BTD: variants seen among roughly 807,000 people sequenced by gnomAD.
The protein encoded by BTD is biotinidase.
A neutral mutation model predicts 17.7 loss-of-function variants in BTD; 13 were observed. The observed-to-expected ratio is 0.74, with a 90% confidence interval of 0.48 to 1.17. BTD has a LOEUF of 1.17. BTD is among the 50% of genes most tolerant of loss of function. The pLI is 0.00. For synonymous variants in BTD, 240 were observed against 245.2 expected (o/e 0.98, Z 0.20); for missense variants, 674 against 650.4 (o/e 1.04, Z -0.39).
rs376633083 is a variant in BTD at position 15,694,517 on chromosome 3, C to CT, written c.400-15529dup. On this transcript the variant is annotated intron_variant, in intron 3 of 3. Transcript: ENST00000672141. ...GGGAAGCCTAAGGATCACTGTCTGT[C>CT]TTTTTTTTTTTTTTCTAAAGCAAGA... Among the ~76,000 whole-genome samples, 546 of 142,486 alleles carry CT rather than the reference C, an allele frequency of 3.8e-3. 2 individuals carry two copies. Among genetic ancestry groups the CT allele is most frequent in the East Asian group, 4.4e-3 (22 of 4,956 alleles). 93.5% of individuals were successfully genotyped at this position (142,486 alleles called of 152,430 possible). A position where few individuals can be genotyped will look rare whatever the true frequency, so the allele number is the denominator to read the frequency against.
chr3:15,608,410 A>T (rs2064518937), intron 1 of BTD, among the ~76,000 whole-genome samples: 1 of 152,248 alleles, frequency 6.6e-6, no homozygotes, highest in African/African-American at 2.4e-5. Context: ...AAAATGCACC[A>T]GGAAATAGTG....
At chr3:15,716,637 A>G (rs554228469), downstream of BTD, among the ~76,000 whole-genome samples, 4 of 152,212 alleles carry the variant, frequency 2.6e-5, no homozygotes, top group South Asian at 8.3e-4. Context: ...CATTGATAAG[A>G]AGGATAAGAA....
Position 15,631,172 on chromosome 3 carries a change from A to G in BTD, c.-16-4252A>G, listed in dbSNP as rs552482185. Among the ~76,000 whole-genome samples the G allele has an allele frequency of 1.6e-4, 24 of 152,298 alleles. No homozygotes were observed. The South Asian group carries it at 3.5e-3, about 22-fold the overall frequency. ...TGGCATTCAGTCACTACACATAGAA[A>G]TGTATACTATGCCGGTTCCTAATGA... On this transcript the variant is annotated intron_variant, in intron 1 of 3. Coordinates refer to ENST00000643237, the MANE Select transcript of BTD (RefSeq NM_001370658.1).
chr3:15,649,305 G>T lies in BTD; in HGVS notation c.*3817G>T, dbSNP rs1325168707. Among the ~76,000 whole-genome samples, 1 of 152,200 alleles carries T rather than the reference G, an allele frequency of 6.6e-6. No homozygotes were observed. Among genetic ancestry groups the T allele is most frequent in the Non-Finnish European group, 1.5e-5 (1 of 68,042 alleles). On this transcript the variant is annotated 3_prime_UTR_variant, in exon 4 of 4. Coordinates refer to ENST00000643237, the MANE Select transcript of BTD (RefSeq NM_001370658.1). The stretch of plus-strand genomic sequence containing the variant: ...TCCAAGAGAGCACAGGTGGAGCCAT[G>T]ATGTCTTTTATTAACTAGTCTCAGA...
intron 3 of BTD, among the ~76,000 whole-genome samples, chr3:15,696,952 A>G (rs575125114): frequency 1.1e-3 from 163 of 152,326 alleles, no homozygotes; most frequent in Admixed American, 1.7e-3. Flanking sequence ...TACCCAGGGG[A>G]AAAGAAGTCA....
At chr3:15,602,956 G>A (rs1238311323) in intron 1 of BTD, among the ~76,000 whole-genome samples, 1 of 152,194 alleles carries the variant, frequency 6.6e-6, no homozygotes, top group Non-Finnish European at 1.5e-5. Context: ...AATCATGGCA[G>A]AAGGTGAAGG....
intron 1 of BTD, among the ~76,000 whole-genome samples, chr3:15,616,699 T>C (rs1272577297): frequency 2.6e-5 from 4 of 152,322 alleles, no homozygotes; most frequent in East Asian, 1.9e-4. Flanking sequence ...ACTATTCTAA[T>C]AGGTGCATAG....
rs1203775988 is a variant in BTD at position 15,644,910 on chromosome 3, G to A, written c.994G>A (p.Gly332Ser). The A allele has an allele frequency of 6.2e-7, 1 of 1,614,152 alleles. No individual in the cohort carries two copies. Among genetic ancestry groups the A allele is most frequent in the East Asian group, 2.2e-5 (1 of 44,886 alleles). The change falls in exon 4 of 4, where the codon GGT (glycine) becomes AGT (serine). Residue 332 changes from glycine to serine, a missense_variant. Gly to Ser is a moderately conservative substitution (Grantham distance 56). Coordinates refer to ENST00000643237, the MANE Select transcript of BTD (RefSeq NM_001370658.1). ...VGLIGAENAT[G>S]ETDPSHSKFL... ...TCTCATTGGTGCAGAGAATGCAACA[G>A]GTGAAACGGACCCATCCCATAGTAA...
intron 3 of BTD, among the ~76,000 whole-genome samples, chr3:15,674,174 CAAA>C (rs34806568): frequency 6.5e-4 from 26 of 40,280 alleles, no homozygotes; most frequent in East Asian, 2.4e-3. Context: ...CCTGCCTCTT[CAAA>C]AAAAAAAAAA....
chr3:15,666,764 C>G (rs2066003427), intron 3 of BTD, among the ~76,000 whole-genome samples: 1 of 151,962 alleles, frequency 6.6e-6, no homozygotes, highest in African/African-American at 2.4e-5. Flanking sequence ...ACCAACTCCA[C>G]CAACCATTTA....
At chr3:15,716,589 T>C (rs756788007), downstream of BTD, among the ~76,000 whole-genome samples, 1 of 152,022 alleles carries the variant, frequency 6.6e-6, no homozygotes, top group African/African-American at 2.4e-5. Context: ...TGGCCAGCTA[T>C]AGCCAATTTT....
At chr3:15,670,660 T>C in intron 3 of BTD, 1 of 1,143,698 alleles carries the variant, frequency 8.7e-7, no homozygotes, top group Non-Finnish European at 1.2e-6. Context: ...TATTTTACAT[T>C]ACTTAGCTTA....
chr3:15,687,194 C>G (rs982955220), intron 3 of BTD, among the ~76,000 whole-genome samples: 6 of 152,060 alleles, frequency 3.9e-5, no homozygotes, highest in Non-Finnish European at 5.9e-5. Context: ...CCACCCACCT[C>G]GGCCTCCCAA....
chr3:15,614,385 G>T (rs1007592997), intron 1 of BTD, among the ~76,000 whole-genome samples: 1 of 151,878 alleles, frequency 6.6e-6, no homozygotes, highest in Non-Finnish European at 1.5e-5. Flanking sequence ...AAAGTGTTGG[G>T]ATTACAGGCA....
downstream of BTD, among the ~76,000 whole-genome samples, chr3:15,656,803 G>A (rs1433877330): frequency 1.3e-5 from 2 of 152,148 alleles, no homozygotes; most frequent in Non-Finnish European, 2.9e-5. Flanking sequence ...AAGTGCATAA[G>A]TGTCACTTCA....
At chr3:15,690,585 G>C (rs2068657451) in intron 3 of BTD, among the ~76,000 whole-genome samples, 1 of 152,108 alleles carries the variant, frequency 6.6e-6, no homozygotes, top group African/African-American at 2.4e-5. Flanking sequence ...TTTGTTTTGA[G>C]ACAGGGTCTT....
intron 2 of BTD, among the ~76,000 whole-genome samples, chr3:15,639,069 T>C (rs2065434151): frequency 6.6e-6 from 1 of 152,130 alleles, no homozygotes; most frequent in Non-Finnish European, 1.5e-5. Context: ...CACTTGGGAT[T>C]GTAACCTTCA....
chr3:15,628,493 TAGA>T (rs749365545), intron 1 of BTD, among the ~76,000 whole-genome samples: 6 of 152,234 alleles, frequency 3.9e-5, no homozygotes, highest in Non-Finnish European at 8.8e-5. Context: ...CCACATTATC[TAGA>T]AGGTGTTCTT....
rs535888792 is a variant in BTD, at chr3:15,679,478, G to A, written c.400-30582G>A. On this transcript the variant is annotated intron_variant, in intron 3 of 3. Transcript: ENST00000672141. ...TGATTCATTCTGGCTTTACTTACAC[G>A]GCACAATGCAATGGACTAAAAGCAT... 1.3e-5 allele frequency: 21 copies of A among 1,613,734 alleles called. No homozygotes were observed. The African/African-American group carries it at 1.3e-4, about 10-fold the overall frequency.
Sources: allele counts gnomAD v4.1 joint callset (sites outside exome capture counted in the v4.1 genomes callset), GRCh38; gene constraint gnomAD v4.1.1; transcripts MANE v1.5; gene names NCBI Gene and HGNC (gene_info 2026-07-23, HGNC 2026-07-21).